Variants in SLC8A2 observed in about 807,000 individuals in gnomAD.
The protein encoded by SLC8A2 is solute carrier family 8 member A2.
A neutral mutation model predicts 70.2 loss-of-function variants in SLC8A2; 14 were observed. The observed-to-expected ratio is 0.20, with a 90% CI of 0.13 to 0.31. The LOEUF (loss-of-function observed/expected upper bound fraction) is 0.31, where lower values mean the gene tolerates loss of function less well. Ranked by LOEUF, SLC8A2 falls within the 10% of genes least tolerant of loss-of-function variation. SLC8A2 has a pLI of 1.00. For synonymous variants in SLC8A2, 575 were observed against 594.3 expected, an observed-to-expected ratio of 0.97 and a Z score of 0.47; for missense variants, 779 against 1,320.1, an observed-to-expected ratio of 0.59 and a Z score of 6.35.
chr19:47,455,881 G>GA (rs1487224995), intron 3 of SLC8A2, among the ~76,000 whole-genome samples: 2 of 152,222 alleles, frequency 1.3e-5, no homozygotes, highest in Non-Finnish European at 2.9e-5. Context: ...CTGGGGCTGT[G>GA]AGATATGGTA....
In SLC8A2 at chr19:47,430,992, G is replaced by C. The variant is rs533869632; in HGVS notation, c.2390-527C>G. 6.6e-6 allele frequency among the ~76,000 whole-genome samples: 1 copy of C among 151,312 alleles called. No homozygotes were observed. Among genetic ancestry groups the C allele is most frequent in the South Asian group, 2.1e-4 (1 of 4,770 alleles). On this transcript the variant is annotated intron_variant, in intron 9 of 9. Coordinates refer to ENST00000236877, the MANE Select transcript of SLC8A2 (RefSeq NM_015063.3). This position sits in a 1 kb window ranked among gnomAD's most constrained non-coding sequence, Gnocchi z 5.9. ...ACTCGCCTCGGTCTCCCAAAGTGCT[G>C]GGATTACAGGTATGAGCCACCGCGC...
At chr19:47,443,354 C>T (rs779846825) in intron 4 of SLC8A2, among the ~76,000 whole-genome samples, 31 of 152,012 alleles carry the variant, frequency 2.0e-4, no homozygotes, top group Middle Eastern at 3.4e-3. Context: ...CCACACCCCT[C>T]GACCCCAAAG....
Position 47,468,475 on chromosome 19 carries a change from G to C in SLC8A2, c.-16-2056C>G, listed in dbSNP as rs1280284146. 6.6e-6 allele frequency among the ~76,000 whole-genome samples: 1 copy of C among 152,116 alleles called. No individual in the cohort carries two copies. Among genetic ancestry groups the C allele is most frequent in the Non-Finnish European group, 1.5e-5 (1 of 68,026 alleles). Reference sequence around the variant, plus strand: ...CCATGCCCAGCTAATTTATTGTAGAGCCGGGAGTCTCTATGTTGCCCAGGC... The same window carrying C: ...CCATGCCCAGCTAATTTATTGTAGACCCGGGAGTCTCTATGTTGCCCAGGC... On this transcript the variant is annotated intron_variant, in intron 1 of 9. Coordinates refer to ENST00000236877, the MANE Select transcript of SLC8A2 (RefSeq NM_015063.3). The surrounding 1 kb of genome is among the most constrained non-coding windows in gnomAD (Gnocchi z 5.1).
At chr19:47,451,970 G>A (rs191451424) in intron 3 of SLC8A2, among the ~76,000 whole-genome samples, 1 of 152,256 alleles carries the variant, frequency 6.6e-6, no homozygotes, top group East Asian at 1.9e-4. Flanking sequence ...GAGAGGGCAG[G>A]AGTGAAAATA....
rs1335316995 is a variant in SLC8A2, at chr19:47,459,532, GTGTGTGCGCA to G, written c.676-1948_676-1939del. Among the ~76,000 whole-genome samples the G allele has an allele frequency of 1.4e-4, 21 of 145,456 alleles. No individual in the cohort carries two copies. The Admixed American group carries it at 1.4e-3, about 10-fold the overall frequency. ...TCTGTGTGTGTGCACGTGCGTGCGC[GTGTGTGCGCA>G]TGTGTGAGCGTATGTGCATGTGTAT... On this transcript the variant is annotated intron_variant, in intron 2 of 9. Coordinates refer to ENST00000236877, the MANE Select transcript of SLC8A2 (RefSeq NM_015063.3).
In SLC8A2 at chr19:47,447,859, C is replaced by A. The variant is rs767770599; in HGVS notation, c.1713G>T (p.Val571=). ...GCTCTCCGCACGCGTCCTCGTAGTG[C>A]ACGCCGCCGCCGCGCGCCGTGCCGT... ...TVDGTARGGG[V]HYEDACGELE... is the part of the protein sequence containing the mutation. Residue 571 remains valine, a synonymous_variant, in exon 4 of 10, where the codon GTG becomes GTT. Transcript: ENST00000236877. This position sits in a 1 kb window ranked among gnomAD's most constrained non-coding sequence, Gnocchi z 5.1. 3 of 1,595,016 alleles carry A rather than the reference C, an allele frequency of 1.9e-6. No individual in the cohort carries two copies. The highest frequency in any genetic ancestry group is 4.6e-5 in the East Asian group (2 of 43,738).
intron 8 of SLC8A2, 122 bp downstream of exon 8, chr19:47,437,340 G>T: frequency 1.4e-6 from 1 of 720,076 alleles, no homozygotes; most frequent in Non-Finnish European, 2.4e-6. Flanking sequence ...CAGGATTCCA[G>T]GCATGAGCCA....
intron 8 of SLC8A2, among the ~76,000 whole-genome samples, chr19:47,435,210 T>C (rs891669420): frequency 6.6e-6 from 1 of 151,482 alleles, no homozygotes; most frequent in Non-Finnish European, 1.5e-5. Context: ...AGAGACTACA[T>C]ATCTCAAAAA....
intron 6 of SLC8A2, among the ~76,000 whole-genome samples, chr19:47,439,553 CA>C (rs1349424303): frequency 1.3e-5 from 2 of 151,606 alleles, no homozygotes; most frequent in East Asian, 1.9e-4. Flanking sequence ...AACAAAGAAA[CA>C]AAAAACAACT....
chr19:47,434,271 T>A (rs764966499), intron 8 of SLC8A2, among the ~76,000 whole-genome samples: 1 of 152,188 alleles, frequency 6.6e-6, no homozygotes, highest in Non-Finnish European at 1.5e-5. Context: ...TTGTACTACC[T>A]TCAAACCCAG....
Position 47,457,094 on chromosome 19 carries a change from G to A in SLC8A2, c.1176C>T (p.Gly392=). 6.4e-7 allele frequency: 1 copy of A among 1,565,854 alleles called. No homozygotes were observed. Among genetic ancestry groups the A allele is most frequent in the Non-Finnish European group, 8.6e-7 (1 of 1,156,232 alleles). Residue 392 remains glycine, a synonymous_variant, in exon 3 of 10, where the codon GGC becomes GGT. Coordinates refer to ENST00000236877, the MANE Select transcript of SLC8A2 (RefSeq NM_015063.3). ...AEGAGEDEDD[G]ASRIFFEPSL... ...TAGGCTCGAAGAAGATGCGGCTGGC[G>A]CCGTCGTCTTCGTCCTCGCCCGCGC... is the stretch of plus-strand genomic sequence containing the variant.
intron 1 of SLC8A2, among the ~76,000 whole-genome samples, chr19:47,469,806 G>C (rs1339307338): frequency 2.6e-5 from 4 of 152,202 alleles, no homozygotes; most frequent in African/African-American, 9.7e-5. Context: ...GGTGGGAGCG[G>C]GGAGGGCAGA....
intron 4 of SLC8A2, among the ~76,000 whole-genome samples, chr19:47,442,575 T>C (rs1182414225): frequency 6.6e-6 from 1 of 152,126 alleles, no homozygotes; most frequent in African/African-American, 2.4e-5. Flanking sequence ...TCATTCAAAC[T>C]TCACCTTCTC....
chr19:47,449,160 G>A lies in SLC8A2; in HGVS notation c.1341-929C>T, dbSNP rs568773481. Among the ~76,000 whole-genome samples the A allele has an allele frequency of 2.6e-5, 4 of 152,300 alleles. No individual in the cohort carries two copies. The South Asian group carries it at 8.3e-4, about 32-fold the overall frequency. On this transcript the variant is annotated intron_variant, in intron 3 of 9. Transcript: ENST00000236877. Reference sequence around the variant, plus strand: ...ACAATAAACAAACACAGGATGTCAGGTGGTGATGGTGCTATGGAGAGAAAC... The same window carrying A: ...ACAATAAACAAACACAGGATGTCAGATGGTGATGGTGCTATGGAGAGAAAC...
intron 1 of SLC8A2, among the ~76,000 whole-genome samples, chr19:47,467,948 G>A (rs1967485357): frequency 6.6e-6 from 1 of 151,512 alleles, no homozygotes; most frequent in Admixed American, 6.6e-5. Flanking sequence ...AGAGGTTGCA[G>A]TGAGCCGAGA....
In SLC8A2 at chr19:47,429,981, A is replaced by G. The variant is rs1966930601; in HGVS notation, c.*108T>C. On this transcript the variant is annotated 3_prime_UTR_variant, in exon 10 of 10. Transcript: ENST00000236877. Reference sequence around the variant, plus strand: ...GGGCGGAGAAGGGAGGCCGAGTCCCAGGAGAGGAGGCCGAGTCTGGGGGGA... The same window carrying G: ...GGGCGGAGAAGGGAGGCCGAGTCCCGGGAGAGGAGGCCGAGTCTGGGGGGA... 2 of 1,182,576 alleles carry G rather than the reference A, an allele frequency of 1.7e-6. No homozygotes were observed. Among genetic ancestry groups the G allele is most frequent in the African/African-American group, 1.6e-5 (1 of 64,298 alleles). 73.3% of individuals were successfully genotyped at this position (1,182,576 alleles called of 1,614,324 possible).
chr19:47,454,733 G>A (rs1295657586), intron 3 of SLC8A2, among the ~76,000 whole-genome samples: 1 of 152,072 alleles, frequency 6.6e-6, no homozygotes, highest in African/African-American at 2.4e-5. Flanking sequence ...AGGGCAGAGA[G>A]GGAAGAAGAC....
chr19:47,456,094 A>G (rs1447372366), intron 3 of SLC8A2, among the ~76,000 whole-genome samples: 1 of 152,250 alleles, frequency 6.6e-6, no homozygotes, highest in Non-Finnish European at 1.5e-5. Context: ...CATACAGTGC[A>G]TGCTCAATAA....
At chr19:47,445,733 C>T (rs989202956) in intron 4 of SLC8A2, among the ~76,000 whole-genome samples, 3 of 152,052 alleles carry the variant, frequency 2.0e-5, no homozygotes, top group Non-Finnish European at 4.4e-5. Flanking sequence ...CTGGGGAAGC[C>T]ATGTGGGGGA....
Sources: gnomAD v4.1 joint callset for allele counts (sites outside exome capture counted in the v4.1 genomes callset) on GRCh38, gnomAD v4.1.1 for gene constraint, Gnocchi (gnomAD v3.1) non-coding constraint, MANE v1.5 for transcripts, NCBI Gene and HGNC (gene_info 2026-07-23, HGNC 2026-07-21) for gene names.